MAF: variants seen among roughly 807,000 people sequenced by gnomAD.
MAF encodes the protein transcription factor Maf.
Under a neutral mutation model 22.0 loss-of-function variants are expected in MAF, and 10 were observed. The observed-to-expected ratio is 0.45, with a 90% CI of 0.28 to 0.77. The LOEUF is 0.77. MAF is among the 30% of genes least tolerant of loss of function. The pLI is 0.12. For missense variants in MAF, 544 were observed against 548.4 expected, an observed-to-expected ratio of 0.99 and a Z score of 0.08; for synonymous variants, 337 against 255.8, an observed-to-expected ratio of 1.32 and a Z score of -3.03.
At chr16:79,473,743 C>G in the MAF span, among the ~76,000 whole-genome samples, 1 of 152,104 alleles carries the variant, frequency 6.6e-6, no homozygotes, top group South Asian at 2.1e-4. Flanking sequence ...AAGTACTTAA[C>G]CGTATCGCAA....
chr16:79,422,440 G>T, the MAF span, among the ~76,000 whole-genome samples: 1 of 152,140 alleles, frequency 6.6e-6, no homozygotes, highest in Non-Finnish European at 1.5e-5. Context: ...AGAGTCTTGG[G>T]TTAAAATGAC....
chr16:79,487,569 G>A, the MAF span, among the ~76,000 whole-genome samples: 2 of 152,102 alleles, frequency 1.3e-5, no homozygotes, highest in Admixed American at 6.6e-5. Context: ...AAAAAGAACA[G>A]GAAGAAAAAG....
Position 79,600,286 on chromosome 16 carries a change from T to G in MAF, c.-384A>C. 9.1e-6 allele frequency: 2 copies of G among 220,534 alleles called. No homozygotes were observed. The highest frequency in any genetic ancestry group is 1.9e-5 in the Non-Finnish European group (2 of 103,836). The allele number at this position is 220,534 out of a possible 1,614,324, so 13.7% of individuals were successfully genotyped here. A position where few individuals can be genotyped will look rare whatever the true frequency, so the allele number is the denominator to read the frequency against. On this transcript the variant is annotated 5_prime_UTR_variant, in exon 1 of 2. Coordinates refer to ENST00000326043, the MANE Select transcript of MAF (RefSeq NM_005360.5). The stretch of plus-strand genomic sequence containing the variant: ...GAGGAGCCCGGCCCGGTGCGCGGCG[T>G]CCCCCGCTCGCCGCTCCGCTGCGCG...
the MAF span, among the ~76,000 whole-genome samples, chr16:79,221,689 A>G: frequency 6.6e-6 from 1 of 152,040 alleles, no homozygotes; most frequent in East Asian, 1.9e-4. Context: ...GTGTGTGTAC[A>G]TGTGCATGAG....
the MAF span, among the ~76,000 whole-genome samples, chr16:79,363,763 G>C: frequency 6.6e-6 from 1 of 152,170 alleles, no homozygotes; most frequent in Non-Finnish European, 1.5e-5. Flanking sequence ...CAAAATAGGA[G>C]ACTTGGTAAG....
the MAF span, among the ~76,000 whole-genome samples, chr16:79,385,173 T>C: frequency 1.3e-5 from 2 of 152,340 alleles, no homozygotes; most frequent in South Asian, 2.1e-4. Context: ...AATGATCAAG[T>C]CACCTGTTCA....
At chr16:79,276,584 G>T in the MAF span, among the ~76,000 whole-genome samples, 1 of 152,188 alleles carries the variant, frequency 6.6e-6, no homozygotes, top group African/African-American at 2.4e-5. Flanking sequence ...CAAGTGAAGG[G>T]CTGGGTTAGG....
chr16:79,207,233 T>G, the MAF span, among the ~76,000 whole-genome samples: 1 of 152,234 alleles, frequency 6.6e-6, no homozygotes, highest in Non-Finnish European at 1.5e-5. Context: ...ACAGAGTCAA[T>G]GGATAAGGTG....
chr16:79,323,511 A>C, the MAF span, among the ~76,000 whole-genome samples: 1 of 152,220 alleles, frequency 6.6e-6, no homozygotes, highest in African/African-American at 2.4e-5. Flanking sequence ...TTCAGCTTGC[A>C]AGACCCATGG....
the MAF span, among the ~76,000 whole-genome samples, chr16:79,550,411 G>A: frequency 1.3e-5 from 2 of 151,986 alleles, no homozygotes; most frequent in Non-Finnish European, 2.9e-5. Context: ...ACCATGAGTT[G>A]CAAAATGGGT....
At chr16:79,369,260 G>C in the MAF span, among the ~76,000 whole-genome samples, 1 of 152,170 alleles carries the variant, frequency 6.6e-6, no homozygotes, top group Non-Finnish European at 1.5e-5. Context: ...CCTTCCCTAT[G>C]TGCTGGGAGC....
At chr16:79,486,149 C>G in the MAF span, among the ~76,000 whole-genome samples, 2 of 152,178 alleles carry the variant, frequency 1.3e-5, no homozygotes, top group East Asian at 3.8e-4. Flanking sequence ...TCCCTGCCAG[C>G]TCAGGAACCC....
chr16:79,339,230 C>T, the MAF span, among the ~76,000 whole-genome samples: 20 of 144,332 alleles, frequency 1.4e-4, no homozygotes, highest in East Asian at 4.1e-4. Context: ...CCACCACGCC[C>T]GGCTAAATTT....
At chr16:79,248,892 G>A in the MAF span, among the ~76,000 whole-genome samples, 4 of 152,044 alleles carry the variant, frequency 2.6e-5, no homozygotes, top group African/African-American at 7.2e-5. Context: ...AATCCACTCT[G>A]TCAGCCATTT....
intron 1 of MAF, chr16:79,598,059 A>AC: frequency 9.6e-7 from 1 of 1,043,408 alleles, no homozygotes; most frequent in Non-Finnish European, 1.2e-6. Context: ...TAAAAAAAAA[A>AC]CCCGATGGAA....
chr16:79,257,257 A>C, the MAF span, among the ~76,000 whole-genome samples: 1 of 152,264 alleles, frequency 6.6e-6, no homozygotes, highest in East Asian at 1.9e-4. Context: ...TGTTTAGTTA[A>C]TATAGTATTG....
the MAF span, among the ~76,000 whole-genome samples, chr16:79,573,490 T>G: frequency 6.6e-6 from 1 of 152,224 alleles, no homozygotes; most frequent in African/African-American, 2.4e-5. Flanking sequence ...CCCCCATATC[T>G]TCTGGAAAGC....
chr16:79,207,040 G>A, the MAF span, among the ~76,000 whole-genome samples: 26 of 152,162 alleles, frequency 1.7e-4, no homozygotes, highest in Non-Finnish European at 3.1e-4. Flanking sequence ...CCTCTGCACT[G>A]TTCTGGGAGA....
At chr16:79,278,659 G>C in the MAF span, among the ~76,000 whole-genome samples, 2 of 151,986 alleles carry the variant, frequency 1.3e-5, no homozygotes, top group Non-Finnish European at 2.9e-5. Context: ...GCCGGGTTTG[G>C]GGTTTCGTGG....
Sources: allele counts gnomAD v4.1 joint callset (sites outside exome capture counted in the v4.1 genomes callset), GRCh38; gene constraint gnomAD v4.1.1; transcripts MANE v1.5; gene names NCBI Gene and HGNC (gene_info 2026-07-23, HGNC 2026-07-21).